The following DNAI3 variants were observed in gnomAD, a reference collection of about 807,000 sequenced individuals.
DNAI3 encodes the protein WD repeat domain 63.
In DNAI3, 83 loss-of-function variants were observed where a neutral mutation model predicts 115.5. That is an observed-to-expected ratio of 0.72 (90% CI 0.60 to 0.86). The LOEUF (loss-of-function observed/expected upper bound fraction) is 0.86. Among genes scored for constraint, DNAI3 ranks in the 40% least tolerant of loss-of-function variants. The pLI, the probability that DNAI3 is intolerant of heterozygous loss-of-function variation, is 0.00. For missense variants in DNAI3, 1,004 were observed against 1,075.8 expected (o/e 0.93, Z 0.93); for synonymous variants, 320 against 347.0 (o/e 0.92, Z 0.86).
In DNAI3 at chr1:85,131,978, A is replaced by T. The variant is rs753201806; in HGVS notation, c.2533-877A>T. ...CCATTTGATATGGTGCCCTCTTTTA[A>T]GTAAAGCCACCACTTCTCAAATTTT... is the stretch of plus-strand genomic sequence containing the variant. On this transcript the variant is annotated intron_variant, in intron 22 of 22. Transcript: ENST00000294664. Among the ~76,000 whole-genome samples, 102 of 152,332 alleles carry T rather than the reference A, an allele frequency of 6.7e-4. 1 individual carries two copies. The highest frequency in any genetic ancestry group is 3.4e-3 in the Middle Eastern group (1 of 294).
At chr1:85,095,842 T>C (rs1655106276) in intron 10 of DNAI3, 89 bp from the exon 11 acceptor site, 1 of 1,281,724 alleles carries the variant, frequency 7.8e-7, no homozygotes, top group Non-Finnish European at 1.1e-6. Flanking sequence ...AGCTATAAAA[T>C]TAGACTTTTA....
chr1:85,113,306 C>A (rs557610848), intron 16 of DNAI3, among the ~76,000 whole-genome samples: 1 of 152,262 alleles, frequency 6.6e-6, no homozygotes, highest in Admixed American at 6.5e-5. Context: ...GTTTGCCTAG[C>A]CCACAGTTGC....
chr1:85,111,200 T>A (rs186947286), intron 16 of DNAI3, among the ~76,000 whole-genome samples: 15 of 152,350 alleles, frequency 9.8e-5, no homozygotes, highest in Admixed American at 2.0e-4. Flanking sequence ...TGAAGCCATG[T>A]GTTTTATTGA....
intron 3 of DNAI3, among the ~76,000 whole-genome samples, chr1:85,079,663 A>C (rs1654570385): frequency 2.0e-5 from 3 of 152,106 alleles, no homozygotes; most frequent in Non-Finnish European, 4.4e-5. Context: ...ATGAAGGATA[A>C]AAAAACAGGA....
At chr1:85,067,987 T>C (rs1310024987) in intron 1 of DNAI3, among the ~76,000 whole-genome samples, 1 of 152,214 alleles carries the variant, frequency 6.6e-6, no homozygotes, top group African/African-American at 2.4e-5. Context: ...TGGTAATTTG[T>C]TACAGCATTA....
At chr1:85,079,985 G>T (rs1462641739) in intron 3 of DNAI3, among the ~76,000 whole-genome samples, 1 of 151,030 alleles carries the variant, frequency 6.6e-6, no homozygotes. Flanking sequence ...AAAAAGAGAA[G>T]CCCTAAAGAG....
At chr1:85,079,071 CT>C (rs1296095386) in intron 3 of DNAI3, among the ~76,000 whole-genome samples, 6 of 152,202 alleles carry the variant, frequency 3.9e-5, no homozygotes, top group African/African-American at 1.4e-4. Context: ...CAGCTGCCTT[CT>C]TTTCGGCACT....
At chr1:85,091,744 C>A (rs753767986) in intron 8 of DNAI3, among the ~76,000 whole-genome samples, 118 of 152,124 alleles carry the variant, frequency 7.8e-4, no homozygotes, top group Non-Finnish European at 2.5e-4. Flanking sequence ...ACTAAGAAAC[C>A]TTCCTTTCGG....
In DNAI3 at chr1:85,105,933, C is replaced by T. The variant is rs550205538; in HGVS notation, c.1553+1336C>T. On this transcript the variant is annotated intron_variant, in intron 14 of 22. Transcript: ENST00000294664. Reference sequence around the variant, plus strand: ...CAACCTGACTGCATGTAATGGAGAACGGGGTGGTTCCCCAAAGAACCACTA... The same window carrying T: ...CAACCTGACTGCATGTAATGGAGAATGGGGTGGTTCCCCAAAGAACCACTA... Among the ~76,000 whole-genome samples the T allele has an allele frequency of 2.6e-4, 39 of 152,272 alleles. No individual in the cohort carries two copies. The South Asian group carries it at 4.6e-3, about 18-fold the overall frequency.
In DNAI3 at chr1:85,111,228, T is replaced by C. The variant is rs376264819; in HGVS notation, c.1786+1093T>C. Among the ~76,000 whole-genome samples, 9 of 152,316 alleles carry C rather than the reference T, an allele frequency of 5.9e-5. No homozygotes were observed. In the East Asian group the frequency reaches 1.2e-3, roughly 20 times the overall value. Reference sequence around the variant, plus strand: ...TTTATTGATATAACCCAAAACCTCATGCTAAAAAATACTGATTCACTAAAC... The same window carrying C: ...TTTATTGATATAACCCAAAACCTCACGCTAAAAAATACTGATTCACTAAAC... On this transcript the variant is annotated intron_variant, in intron 16 of 22. Transcript: ENST00000294664.
chr1:85,132,656 A>G (rs371770726), intron 22 of DNAI3, among the ~76,000 whole-genome samples, 199 bp from the exon 23 acceptor site: 13 of 152,170 alleles, frequency 8.5e-5, no homozygotes, highest in Admixed American at 5.2e-4. Flanking sequence ...GTTGGGGACC[A>G]TGTTTCCCCC....
intron 18 of DNAI3, among the ~76,000 whole-genome samples, chr1:85,122,104 C>T (rs1656009147): frequency 6.6e-6 from 1 of 152,176 alleles, no homozygotes; most frequent in Non-Finnish European, 1.5e-5. Flanking sequence ...TTGAGGAGCA[C>T]TGACCTATAT....
At chr1:85,102,222 T>C (rs959600257) in intron 13 of DNAI3, among the ~76,000 whole-genome samples, 5 of 152,208 alleles carry the variant, frequency 3.3e-5, no homozygotes, top group Non-Finnish European at 7.4e-5. Context: ...GTTCCTAGTA[T>C]AAAGAAAATA....
chr1:85,071,844 A>G, intron 1 of DNAI3, 84 bp from the exon 2 acceptor site: 1 of 1,284,880 alleles, frequency 7.8e-7, no homozygotes, highest in African/African-American at 1.5e-5. Context: ...TCTTATGTTT[A>G]TTAAATGATA....
At position 85,082,419 on chromosome 1, in the gene DNAI3, A is replaced by G. The variant is rs765926291; in HGVS notation, c.390+15A>G. 4 of 1,589,594 alleles carry G rather than the reference A, an allele frequency of 2.5e-6. No individual in the cohort carries two copies. The highest frequency in any genetic ancestry group is 2.2e-5 in the South Asian group (2 of 90,036). ...ACTATTTAAATGTGAGCAAACCCCAAGCCCTTGTAATTTGTTTGTTTTTGT... is the reference window on the plus strand; with the variant it reads ...ACTATTTAAATGTGAGCAAACCCCAGGCCCTTGTAATTTGTTTGTTTTTGT... On this transcript the variant is annotated intron_variant, in intron 5 of 22. Transcript: ENST00000294664.
chr1:85,109,802 A>G (rs1396269929), intron 15 of DNAI3, among the ~76,000 whole-genome samples: 2 of 151,128 alleles, frequency 1.3e-5, no homozygotes, highest in African/African-American at 4.8e-5. Flanking sequence ...AAAATGACAC[A>G]TGAGAATTTG....
intron 21 of DNAI3, 86 bp downstream of exon 21, chr1:85,128,885 A>G: frequency 7.9e-7 from 1 of 1,259,196 alleles, no homozygotes; most frequent in Non-Finnish European, 1.1e-6. Flanking sequence ...AAATGACAGC[A>G]TTTTTGCTCT....
chr1:85,124,398 C>T (rs1656073348), intron 19 of DNAI3, 147 bp downstream of exon 19: 2 of 1,074,154 alleles, frequency 1.9e-6, no homozygotes, highest in African/African-American at 1.6e-5. Context: ...AGCTTGTCAG[C>T]AGAACCACTG....
In DNAI3 at chr1:85,128,746, A is replaced by T; in HGVS notation, c.2356A>T (p.Thr786Ser). The T allele has an allele frequency of 6.2e-7, 1 of 1,612,732 alleles. No homozygotes were observed. The highest frequency in any genetic ancestry group is 1.1e-5 in the South Asian group (1 of 90,468). Reference protein sequence around the residue: ...QFIATADYYGTLHILEIPWTL... With the variant: ...QFIATADYYGSLHILEIPWTL... ...TATAGCCACAGCTGATTATTATGGA[A>T]CACTGCATATATTAGAAATTCCTTG... The change falls in exon 21 of 23, where the codon ACA becomes TCA. Residue 786 changes from threonine (T) to serine (S), a missense_variant. Physicochemically the swap from Thr to Ser is moderately conservative, Grantham distance 58. Coordinates refer to ENST00000294664, the MANE Select transcript of DNAI3 (RefSeq NM_145172.5).
Sources: gnomAD v4.1 joint callset for allele counts (sites outside exome capture counted in the v4.1 genomes callset) on GRCh38, gnomAD v4.1.1 for gene constraint, MANE v1.5 for transcripts, NCBI Gene and HGNC (gene_info 2026-07-23, HGNC 2026-07-21) for gene names.